The following MICB variants were observed in gnomAD, a reference collection of about 807,000 sequenced individuals.
The protein encoded by MICB is MHC class I polypeptide-related sequence B.
A neutral mutation model predicts 34.3 loss-of-function variants in MICB; 27 were observed. That is an observed-to-expected ratio of 0.79 (90% CI 0.58 to 1.08). MICB has a LOEUF of 1.08. Among genes scored for constraint, MICB ranks in the 50% least tolerant of loss-of-function variants. The pLI is 0.00. For missense variants in MICB, 426 were observed against 483.1 expected, an observed-to-expected ratio of 0.88 and a Z score of 1.11; for synonymous variants, 153 against 187.4, an observed-to-expected ratio of 0.82 and a Z score of 1.50.
chr6:31,501,835 C>T (rs1765034212), intron 1 of MICB, among the ~76,000 whole-genome samples: 1 of 152,134 alleles, frequency 6.6e-6, no homozygotes, highest in African/African-American at 2.4e-5. Context: ...ATTACTCTAG[C>T]TCTGTAGTAT....
At position 31,510,836 on chromosome 6, in the gene MICB, G is replaced by A. The variant is rs933810939; in HGVS notation, c.*927G>A. The A allele has an allele frequency of 2.0e-5, 3 of 152,080 alleles. No homozygotes were observed. Among genetic ancestry groups the A allele is most frequent in the East Asian group, 1.9e-4 (1 of 5,206 alleles). The allele number at this position is 152,080 out of a possible 1,614,324, so 9.4% of individuals were successfully genotyped here. A position where few individuals can be genotyped will look rare whatever the true frequency, so the allele number is the denominator to read the frequency against. On this transcript the variant is annotated 3_prime_UTR_variant, in exon 6 of 6. Coordinates refer to ENST00000252229, the MANE Select transcript of MICB (RefSeq NM_005931.5). Reference sequence around the variant, plus strand: ...GCTGGGATTACAAGAATGAGCCACCGTGCCTGGCCTATTTTATTATATTGT... The same window carrying A: ...GCTGGGATTACAAGAATGAGCCACCATGCCTGGCCTATTTTATTATATTGT...
At position 31,510,006 on chromosome 6, in the gene MICB, A is replaced by C; in HGVS notation, c.*97A>C. The C allele has an allele frequency of 1.5e-6, 2 of 1,342,234 alleles. No individual in the cohort carries two copies. The highest frequency in any genetic ancestry group is 2.0e-6 in the Non-Finnish European group (2 of 993,480). The allele number at this position is 1,342,234 out of a possible 1,614,324, so 83.1% of individuals were successfully genotyped here. On this transcript the variant is annotated 3_prime_UTR_variant, in exon 6 of 6. Coordinates refer to ENST00000252229, the MANE Select transcript of MICB (RefSeq NM_005931.5). ...CCTATGAAACAGAGAAAATAACATC[A>C]CTTATTTATTGTTGTTGGATGCTGC...
At chr6:31,504,828 T>C (rs1765210487) in intron 1 of MICB, among the ~76,000 whole-genome samples, 1 of 152,218 alleles carries the variant, frequency 6.6e-6, no homozygotes, top group Non-Finnish European at 1.5e-5. Flanking sequence ...TTTAGGTCTT[T>C]GATTCATTTT....
At chr6:31,500,581 C>G (rs1764964670) in intron 1 of MICB, among the ~76,000 whole-genome samples, 1 of 152,060 alleles carries the variant, frequency 6.6e-6, no homozygotes, top group Non-Finnish European at 1.5e-5. Flanking sequence ...ATTAACCATC[C>G]GCACTCCCCC....
At chr6:31,506,533 G>C (rs1582879527) in intron 3 of MICB, 103 bp downstream of exon 3, 1 of 1,299,264 alleles carries the variant, frequency 7.7e-7, no homozygotes. Context: ...ATGGATGCAG[G>C]CGTTTCCTGT....
At chr6:31,500,391 A>C (rs1764956396) in intron 1 of MICB, among the ~76,000 whole-genome samples, 2 of 152,218 alleles carry the variant, frequency 1.3e-5, no homozygotes, top group African/African-American at 4.8e-5. Flanking sequence ...AATATGTCAT[A>C]ATCACATCAG....
In MICB at chr6:31,506,412, G is replaced by C. The variant is rs1765331429; in HGVS notation, c.595G>C (p.Val199Leu). The C allele has an allele frequency of 6.2e-7, 1 of 1,613,942 alleles. No individual in the cohort carries two copies. Among genetic ancestry groups the C allele is most frequent in the African/African-American group, 1.3e-5 (1 of 74,910 alleles). The change falls in exon 3 of 6, where the codon GTG becomes CTG. Residue 199 changes from valine (V) to leucine (L), a missense_variant. Coordinates refer to ENST00000252229, the MANE Select transcript of MICB (RefSeq NM_005931.5). The stretch of plus-strand genomic sequence containing the variant: ...ACTACAGCGATATCTGAAATCCGGG[G>C]TGGCCATCAGGAGAACAGGTACCGA... ...QKLQRYLKSG[V>L]AIRRTVPPMV...
chr6:31,503,164 T>G (rs1376597495), intron 1 of MICB, among the ~76,000 whole-genome samples: 4 of 152,260 alleles, frequency 2.6e-5, no homozygotes, highest in Non-Finnish European at 5.9e-5. Context: ...TCAATGTTCA[T>G]CAGGGATATA....
At chr6:31,499,740 G>A (rs920635269) in intron 1 of MICB, among the ~76,000 whole-genome samples, 2 of 151,950 alleles carry the variant, frequency 1.3e-5, no homozygotes, top group Non-Finnish European at 2.9e-5. Flanking sequence ...ACCCTCTTGA[G>A]GACCCCACCC....
intron 1 of MICB, among the ~76,000 whole-genome samples, chr6:31,502,429 T>C (rs1765064458): frequency 6.6e-6 from 1 of 152,246 alleles, no homozygotes; most frequent in African/African-American, 2.4e-5. Context: ...GCATCAGTGC[T>C]TTATAGTTTT....
intron 1 of MICB, among the ~76,000 whole-genome samples, chr6:31,500,242 C>T (rs961955937): frequency 2.6e-5 from 4 of 151,720 alleles, no homozygotes; most frequent in African/African-American, 9.7e-5. Flanking sequence ...GAGAATCTCC[C>T]CCTCTACCTT....
chr6:31,499,699 G>A (rs1764916493), intron 1 of MICB, among the ~76,000 whole-genome samples: 1 of 151,952 alleles, frequency 6.6e-6, no homozygotes, highest in South Asian at 2.1e-4. Flanking sequence ...CCTCATTGTG[G>A]CCCCTTCCCC....
chr6:31,498,103 G>T, upstream of MICB: 1 of 1,066,850 alleles, frequency 9.4e-7, no homozygotes. Flanking sequence ...GCTGAGCGGG[G>T]CGCAGGTGAC....
intron 1 of MICB, among the ~76,000 whole-genome samples, chr6:31,499,097 T>C (rs1191186061): frequency 1.3e-5 from 2 of 151,992 alleles, no homozygotes; most frequent in Admixed American, 6.5e-5. Context: ...GTGGTGCTTC[T>C]TGCTGCTGTG....
chr6:31,506,205 TC>T lies in MICB; in HGVS notation c.391del (p.Arg131GlyfsTer33), dbSNP rs1339171105. On this transcript the variant is annotated frameshift_variant, in exon 3 of 6. Transcript: ENST00000252229. LOFTEE classifies it high-confidence loss of function. ...EIHEDSSTRGSRHFYYDGELF... is the reference protein window; with the variant it reads ...EIHEDSSTRGXRHFYYDGELF... ...CCATGAAGACAGCAGCACCAGGGGC[TC>T]CCGGCATTTCTACTACGATGGGGAG... is the stretch of plus-strand genomic sequence containing the variant. 1 of 1,614,114 alleles carries T rather than the reference TC, an allele frequency of 6.2e-7. No individual in the cohort carries two copies. Among genetic ancestry groups the T allele is most frequent in the East Asian group, 2.2e-5 (1 of 44,876 alleles).
At chr6:31,499,059 T>TG (rs1764872379) in intron 1 of MICB, among the ~76,000 whole-genome samples, 1 of 150,984 alleles carries the variant, frequency 6.6e-6, no homozygotes, top group South Asian at 2.1e-4. Context: ...CTCCTGGAGT[T>TG]GGGGCCCTCC....
intron 5 of MICB, among the ~76,000 whole-genome samples, 163 bp from the exon 6 acceptor site, chr6:31,509,619 G>T (rs1765550587): frequency 7.0e-6 from 1 of 142,130 alleles, no homozygotes; most frequent in Non-Finnish European, 1.6e-5. Context: ...GAACTGACAG[G>T]GGCTGGGAAA....
intron 5 of MICB, among the ~76,000 whole-genome samples, chr6:31,508,675 G>C (rs749140106): frequency 3.3e-5 from 5 of 152,216 alleles, no homozygotes; most frequent in African/African-American, 9.6e-5. Context: ...GGCAGGAATG[G>C]TTTCCTCGTA....
upstream of MICB, chr6:31,498,001 C>T: frequency 2.8e-6 from 1 of 361,996 alleles, no homozygotes; most frequent in Non-Finnish European, 5.1e-6. Flanking sequence ...GTCTCCAGGC[C>T]GCTAGAATTT....
Sources: gnomAD v4.1 joint callset for allele counts (sites outside exome capture counted in the v4.1 genomes callset) on GRCh38, gnomAD v4.1.1 for gene constraint, MANE v1.5 for transcripts, NCBI Gene and HGNC (gene_info 2026-07-23, HGNC 2026-07-21) for gene names.